MGLL: variants seen among roughly 807,000 people sequenced by gnomAD.
MGLL encodes the protein monoglyceride lipase.
Under a neutral mutation model 29.1 loss-of-function variants are expected in MGLL, and 7 were observed. That is an observed-to-expected ratio of 0.24 (90% CI 0.14 to 0.45). The LOEUF (loss-of-function observed/expected upper bound fraction) is 0.45. MGLL is among the 20% of genes least tolerant of loss of function. The pLI is 0.99. For missense variants in MGLL, 356 were observed against 413.6 expected (o/e 0.86, Z 1.21); for synonymous variants, 148 against 168.3 (o/e 0.88, Z 0.93).
chr3:127,754,609 T>C (rs1281644695), intron 3 of MGLL, among the ~76,000 whole-genome samples: 1 of 152,168 alleles, frequency 6.6e-6, no homozygotes, highest in African/African-American at 2.4e-5. Context: ...ATCCACAGCC[T>C]CTAGGTCTGT....
At chr3:127,730,212 A>T (rs1249738223) in intron 3 of MGLL, among the ~76,000 whole-genome samples, 2 of 152,142 alleles carry the variant, frequency 1.3e-5, no homozygotes, top group Admixed American at 1.3e-4. Flanking sequence ...TTGAACTTAC[A>T]GTAGCTTCTT....
Position 127,813,243 on chromosome 3 carries a change from G to A in MGLL, c.155+8451C>T, listed in dbSNP as rs374068422. Among the ~76,000 whole-genome samples, 7 of 151,872 alleles carry A rather than the reference G, an allele frequency of 4.6e-5. No homozygotes were observed. In the East Asian group the frequency reaches 5.8e-4, roughly 13 times the overall value. On this transcript the variant is annotated intron_variant, in intron 2 of 7. Transcript: ENST00000265052. ...TCATAAGAGTCTGCCACTTTCTTCCGACTCTTGTTCTCCCAGAGGCCTCCT... is the reference window on the plus strand; with the variant it reads ...TCATAAGAGTCTGCCACTTTCTTCCAACTCTTGTTCTCCCAGAGGCCTCCT...
chr3:127,703,688 C>T (rs2075543576), intron 6 of MGLL, among the ~76,000 whole-genome samples: 1 of 152,138 alleles, frequency 6.6e-6, no homozygotes, highest in African/African-American at 2.4e-5. Context: ...AAAAGAAAAA[C>T]AGATAAACTG....
intron 6 of MGLL, among the ~76,000 whole-genome samples, chr3:127,700,230 G>T (rs536040245): frequency 3.3e-4 from 50 of 152,276 alleles, no homozygotes; most frequent in Admixed American, 3.2e-3. Context: ...ACAAAAACTG[G>T]CAAGTCTTTG....
chr3:127,696,443 T>C (rs763684195), intron 6 of MGLL, among the ~76,000 whole-genome samples: 53 of 115,480 alleles, frequency 4.6e-4, no homozygotes, highest in Non-Finnish European at 7.6e-4. Flanking sequence ...AGACGGAGTC[T>C]CCCTCTGTCA....
chr3:127,733,426 T>C (rs1035952873), intron 3 of MGLL, among the ~76,000 whole-genome samples: 7 of 152,236 alleles, frequency 4.6e-5, no homozygotes, highest in Admixed American at 6.5e-5. Context: ...TTCATGTTAC[T>C]CTATGGACTC....
At chr3:127,720,134 C>T (rs1183906797) in intron 5 of MGLL, among the ~76,000 whole-genome samples, 4 of 152,184 alleles carry the variant, frequency 2.6e-5, no homozygotes, top group African/African-American at 7.2e-5. Flanking sequence ...TTTAAATGAT[C>T]CCACAGTTCA....
At chr3:127,723,074 T>C (rs1343533740) in intron 3 of MGLL, among the ~76,000 whole-genome samples, 1 of 152,222 alleles carries the variant, frequency 6.6e-6, no homozygotes, top group Non-Finnish European at 1.5e-5. Flanking sequence ...TAAAATAATA[T>C]GTAGTCATCG....
rs186127584 is a variant in MGLL, at chr3:127,723,561, C to A, written c.263-995G>T. Among the ~76,000 whole-genome samples, 509 of 152,158 alleles carry A rather than the reference C, an allele frequency of 3.3e-3. 2 individuals carry two copies. Among genetic ancestry groups the A allele is most frequent in the Non-Finnish European group, 6.2e-3 (425 of 68,016 alleles). Reference sequence around the variant, plus strand: ...ACACCCACCTTCCCAGTCGCCCCCCCACGGTCTGTCTGACCATCCCAGTGG... The same window carrying A: ...ACACCCACCTTCCCAGTCGCCCCCCAACGGTCTGTCTGACCATCCCAGTGG... On this transcript the variant is annotated intron_variant, in intron 3 of 7. Coordinates refer to ENST00000265052, the MANE Select transcript of MGLL (RefSeq NM_007283.7).
At chr3:127,765,914 G>T (rs608318) in intron 3 of MGLL, among the ~76,000 whole-genome samples, 122,310 of 152,124 alleles carry the variant, frequency 0.8, 49,723 homozygotes, top group Non-Finnish European at 0.86. Flanking sequence ...GGGTCTGTGT[G>T]TTGGGGAAGA....
At chr3:127,754,847 C>T (rs559728652) in intron 3 of MGLL, among the ~76,000 whole-genome samples, 2 of 152,190 alleles carry the variant, frequency 1.3e-5, no homozygotes, top group Non-Finnish European at 2.9e-5. Context: ...GGGTGTGCAT[C>T]TTGGGAGCTG....
chr3:127,750,621 C>T (rs2076540040), intron 3 of MGLL, among the ~76,000 whole-genome samples: 1 of 101,606 alleles, frequency 9.8e-6, no homozygotes, highest in African/African-American at 3.3e-5. Flanking sequence ...CACTCCCGGG[C>T]AAACGCACAC....
chr3:127,696,167 C>G (rs2107582264), intron 6 of MGLL, among the ~76,000 whole-genome samples: 1 of 152,292 alleles, frequency 6.6e-6, no homozygotes, highest in Admixed American at 6.5e-5. Flanking sequence ...GATGTGGGTC[C>G]TCTCTCCTCA....
In MGLL at chr3:127,690,066, C is replaced by T. The variant is rs6439081; in HGVS notation, c.*2132G>A. On this transcript the variant is annotated 3_prime_UTR_variant, in exon 8 of 8. Transcript: ENST00000265052. ...TTCAATTTGGGGAATGGTGATGCCACCACATGCATCTGGGGGAGGCAGCAG... is the reference window on the plus strand; with the variant it reads ...TTCAATTTGGGGAATGGTGATGCCATCACATGCATCTGGGGGAGGCAGCAG... 0.77 allele frequency: 116,442 copies of T among 152,010 alleles called. 44,902 individuals carry two copies. The highest frequency in any genetic ancestry group is 0.83 in the African/African-American group (34,366 of 41,450). 9.4% of individuals were successfully genotyped at this position (152,010 alleles called of 1,614,324 possible). A position where few individuals can be genotyped will look rare whatever the true frequency, so the allele number is the denominator to read the frequency against.
At chr3:127,736,138 T>A (rs1250184689) in intron 3 of MGLL, 1 of 1,111,160 alleles carries the variant, frequency 9.0e-7, no homozygotes, top group East Asian at 5.0e-5. Context: ...TCAAACCTAA[T>A]AAAAGTACAG....
At chr3:127,710,764 C>G (rs1051071858) in intron 5 of MGLL, 99 bp from the exon 6 acceptor site, 3 of 1,072,790 alleles carry the variant, frequency 2.8e-6, no homozygotes, top group Non-Finnish European at 4.2e-6. Flanking sequence ...GAGTGATGCC[C>G]AAACTGAACA....
intron 3 of MGLL, 87 bp from the exon 4 acceptor site, chr3:127,722,653 T>A (rs1466280294): frequency 6.4e-7 from 1 of 1,557,638 alleles, no homozygotes; most frequent in Non-Finnish European, 8.8e-7. Flanking sequence ...GCAATCGCTC[T>A]CTCTCCTGAG....
intron 2 of MGLL, among the ~76,000 whole-genome samples, chr3:127,802,695 T>C (rs1431025080): frequency 1.3e-5 from 2 of 152,214 alleles, no homozygotes; most frequent in African/African-American, 2.4e-5. Context: ...TGCGATCTCT[T>C]CAGATGCCTC....
intron 3 of MGLL, among the ~76,000 whole-genome samples, chr3:127,771,350 A>G (rs1465325365): frequency 6.6e-6 from 1 of 151,798 alleles, no homozygotes; most frequent in East Asian, 1.9e-4. Context: ...CCAGTTATGC[A>G]TTTTATTTTA....
Sources: allele counts gnomAD v4.1 joint callset (sites outside exome capture counted in the v4.1 genomes callset), GRCh38; gene constraint gnomAD v4.1.1; transcripts MANE v1.5; gene names NCBI Gene and HGNC (gene_info 2026-07-23, HGNC 2026-07-21).